Variants in CNTNAP5 observed in about 807,000 individuals in gnomAD.
The protein encoded by CNTNAP5 is contactin associated protein family member 5.
In CNTNAP5, 72 loss-of-function variants were observed where a neutral mutation model predicts 150.2. The ratio of observed to expected loss-of-function variants is 0.48; its 90% confidence interval spans 0.40 to 0.58. The LOEUF is 0.58. Among genes scored for constraint, CNTNAP5 ranks in the 20% least tolerant of loss-of-function variants. The pLI is 0.00. For missense variants in CNTNAP5, 1,636 were observed against 1,626.2 expected (o/e 1.01, Z -0.10); for synonymous variants, 672 against 619.8 (o/e 1.08, Z -1.25).
chr2:124,407,082 T>C (rs1001057044), intron 3 of CNTNAP5, among the ~76,000 whole-genome samples: 6 of 152,206 alleles, frequency 3.9e-5, no homozygotes, highest in Non-Finnish European at 7.3e-5. Flanking sequence ...CCTCTAACTA[T>C]TCATCTATTG....
intron 10 of CNTNAP5, among the ~76,000 whole-genome samples, chr2:124,538,646 A>G (rs1308893175): frequency 2.0e-5 from 3 of 151,966 alleles, no homozygotes; most frequent in Admixed American, 6.6e-5. Flanking sequence ...TAAGAAAGAA[A>G]GGAAAAAGAA....
chr2:124,360,234 A>C (rs1357384266), intron 3 of CNTNAP5, among the ~76,000 whole-genome samples: 2 of 151,644 alleles, frequency 1.3e-5, no homozygotes, highest in African/African-American at 4.8e-5. Flanking sequence ...AATACAGCAC[A>C]CTGAATACAG....
intron 21 of CNTNAP5, among the ~76,000 whole-genome samples, chr2:124,882,319 G>A (rs1331904948): frequency 6.6e-6 from 1 of 152,086 alleles, no homozygotes; most frequent in African/African-American, 2.4e-5. Context: ...GCAGCATAGA[G>A]CACCAGGTGT....
At chr2:124,084,045 T>C (rs1573741633) in intron 1 of CNTNAP5, among the ~76,000 whole-genome samples, 1 of 5,568 alleles carries the variant, frequency 1.8e-4, no homozygotes, top group African/African-American at 2.0e-4. Context: ...TTTATATAGA[T>C]GTTTGGCTTT....
intron 1 of CNTNAP5, among the ~76,000 whole-genome samples, chr2:124,109,183 T>C (rs1438669741): frequency 6.6e-6 from 1 of 152,084 alleles, no homozygotes; most frequent in Non-Finnish European, 1.5e-5. Flanking sequence ...GTATTTAAAT[T>C]TGTGCTTTTT....
chr2:124,749,704 G>A (rs1048784085), intron 14 of CNTNAP5, among the ~76,000 whole-genome samples: 2 of 152,116 alleles, frequency 1.3e-5, no homozygotes, highest in Admixed American at 6.6e-5. Context: ...GTGAGCCAAC[G>A]CTCCCGGCAG....
intron 16 of CNTNAP5, among the ~76,000 whole-genome samples, chr2:124,765,906 A>G (rs1337695799): frequency 6.6e-6 from 1 of 152,122 alleles, no homozygotes; most frequent in African/African-American, 2.4e-5. Context: ...CAGTAAGCCA[A>G]GATTGCACTA....
chr2:124,382,134 G>T (rs961667972), intron 3 of CNTNAP5, among the ~76,000 whole-genome samples: 2 of 152,184 alleles, frequency 1.3e-5, no homozygotes, highest in Non-Finnish European at 2.9e-5. Flanking sequence ...GGTAACTCAG[G>T]AAGGGAAGAA....
chr2:124,277,218 C>T (rs920768175), intron 3 of CNTNAP5, among the ~76,000 whole-genome samples: 6 of 152,114 alleles, frequency 3.9e-5, no homozygotes, highest in African/African-American at 1.4e-4. Context: ...TATAAATAAC[C>T]AGCAATGCAC....
chr2:124,524,367 G>C lies in CNTNAP5; in HGVS notation c.1392G>C (p.Thr464=), dbSNP rs1025481893. ...VSINARRNRI[T]LTLDDEAAPP... is the part of the protein sequence containing the mutation. ...TCAACGCCAGGAGGAACCGCATCAC[G>C]CTCACTCTGGATGATGAAGCAGCAC... Residue 464 remains threonine (T), a synonymous_variant, in exon 9 of 24, where the codon ACG becomes ACC. Transcript: ENST00000682447. 2.5e-6 allele frequency: 4 copies of C among 1,613,762 alleles called. No individual in the cohort carries two copies. Among genetic ancestry groups the C allele is most frequent in the Non-Finnish European group, 3.4e-6 (4 of 1,179,796 alleles).
chr2:124,837,974 A>G (rs945378386), intron 19 of CNTNAP5, among the ~76,000 whole-genome samples: 4 of 152,152 alleles, frequency 2.6e-5, no homozygotes, highest in Non-Finnish European at 5.9e-5. Context: ...CTGCATTAAT[A>G]GAACTCTTTT....
In CNTNAP5 at chr2:124,912,163, C is replaced by A. The variant is rs183423527; in HGVS notation, c.3727+625C>A. On this transcript the variant is annotated intron_variant, in intron 23 of 23. Transcript: ENST00000682447. ...TCCTGCTGTGGCTTGATTTTTCCAT[C>A]TGGGTCTACCAACACAGAATGATTC... Among the ~76,000 whole-genome samples the A allele has an allele frequency of 1.3e-4, 20 of 152,180 alleles. No individual in the cohort carries two copies. In the East Asian group the frequency reaches 1.9e-3, roughly 15 times the overall value.
intron 1 of CNTNAP5, among the ~76,000 whole-genome samples, chr2:124,129,262 A>C (rs1275042674): frequency 6.6e-6 from 1 of 152,172 alleles, no homozygotes; most frequent in African/African-American, 2.4e-5. Flanking sequence ...AAAGTAGATG[A>C]AGGTGTAATT....
chr2:124,031,031 C>G (rs1681034070), intron 1 of CNTNAP5, among the ~76,000 whole-genome samples: 1 of 152,080 alleles, frequency 6.6e-6, no homozygotes. Context: ...TCACATTCCA[C>G]AAACAAGCTA....
chr2:124,521,563 A>G (rs1380159498), intron 8 of CNTNAP5, among the ~76,000 whole-genome samples: 2 of 152,118 alleles, frequency 1.3e-5, no homozygotes. Context: ...ACATGAATAC[A>G]TGATAGATAC....
chr2:124,665,073 C>T (rs1388021713), intron 13 of CNTNAP5, among the ~76,000 whole-genome samples: 2 of 151,662 alleles, frequency 1.3e-5, no homozygotes, highest in Non-Finnish European at 2.9e-5. Flanking sequence ...CCAGTGAGAA[C>T]ACAATGAACA....
At chr2:124,517,693 G>A (rs1211078811) in intron 8 of CNTNAP5, among the ~76,000 whole-genome samples, 5 of 150,090 alleles carry the variant, frequency 3.3e-5, no homozygotes, top group Non-Finnish European at 7.4e-5. Context: ...TGTTTGTGAT[G>A]GAGGGTTGTG....
chr2:124,148,745 C>T (rs910994011), intron 1 of CNTNAP5, among the ~76,000 whole-genome samples: 2 of 150,022 alleles, frequency 1.3e-5, no homozygotes, highest in Non-Finnish European at 3.0e-5. Flanking sequence ...CATATATATG[C>T]ACATATTGTA....
At chr2:124,659,428 TA>T (rs1358793875) in intron 13 of CNTNAP5, among the ~76,000 whole-genome samples, 1 of 152,100 alleles carries the variant, frequency 6.6e-6, no homozygotes, top group East Asian at 1.9e-4. Flanking sequence ...AGCCTCTGAA[TA>T]AAAAAATAAA....
Sources: allele counts gnomAD v4.1 joint callset (sites outside exome capture counted in the v4.1 genomes callset), GRCh38; gene constraint gnomAD v4.1.1; transcripts MANE v1.5; gene names NCBI Gene and HGNC (gene_info 2026-07-23, HGNC 2026-07-21).